PDE4D: variants seen among roughly 807,000 people sequenced by gnomAD.
PDE4D encodes phosphodiesterase 4D.
Under a neutral mutation model 87.4 loss-of-function variants are expected in PDE4D, and 24 were observed. That is an observed-to-expected ratio of 0.27 (90% confidence interval 0.20 to 0.39). The LOEUF is 0.39. Ranked by LOEUF, PDE4D falls within the 10% of genes least tolerant of loss-of-function variation. The pLI is 1.00. For synonymous variants in PDE4D, 384 were observed against 383.2 expected (o/e 1.00, Z -0.02); for missense variants, 714 against 1,041.0 (o/e 0.69, Z 4.32).
chr5:60,304,893 G>T (rs1292596000), intron 1 of PDE4D, among the ~76,000 whole-genome samples: 2 of 151,668 alleles, frequency 1.3e-5, no homozygotes, highest in African/African-American at 4.8e-5. Context: ...ACTGTAAACT[G>T]GATATTAAGT....
At chr5:60,295,230 G>C (rs890913323) in intron 1 of PDE4D, among the ~76,000 whole-genome samples, 1 of 152,114 alleles carries the variant, frequency 6.6e-6, no homozygotes, top group Non-Finnish European at 1.5e-5. Flanking sequence ...CTCACTTATT[G>C]GTTCAAGTCC....
intron 1 of PDE4D, among the ~76,000 whole-genome samples, chr5:59,558,985 GA>G (rs201797525): frequency 6.6e-6 from 1 of 150,386 alleles, no homozygotes; most frequent in Non-Finnish European, 1.5e-5. Context: ...GACACTTCTT[GA>G]AAAAAAAACT....
intron 1 of PDE4D, among the ~76,000 whole-genome samples, chr5:59,585,377 T>A (rs1233244662): frequency 6.6e-6 from 1 of 152,140 alleles, no homozygotes; most frequent in Non-Finnish European, 1.5e-5. Flanking sequence ...AACCTATATT[T>A]AGGTATCTAT....
intron 1 of PDE4D, among the ~76,000 whole-genome samples, chr5:59,216,560 C>T (rs1751306285): frequency 6.6e-6 from 1 of 152,164 alleles, no homozygotes; most frequent in Non-Finnish European, 1.5e-5. Flanking sequence ...TAAAACCCTT[C>T]AGTAACTTAC....
intron 1 of PDE4D, among the ~76,000 whole-genome samples, chr5:59,382,681 C>T (rs1027651644): frequency 1.3e-5 from 2 of 152,086 alleles, no homozygotes; most frequent in African/African-American, 4.8e-5. Context: ...AAACAATTCC[C>T]TGGACCCAGG....
chr5:59,567,291 A>T (rs946473265), intron 1 of PDE4D, among the ~76,000 whole-genome samples: 1 of 152,212 alleles, frequency 6.6e-6, no homozygotes, highest in African/African-American at 2.4e-5. Context: ...CCAGTTGCTA[A>T]AGGTGGAAAC....
rs1381779043 is a variant in PDE4D at position 58,970,060 on chromosome 5, T to TGAGCATAAATAG, written c.*4603_*4604insCTATTTATGCTC. ...GAATAATCTTTTATTTGTAAAAGAT[T>TGAGCATAAATAG]GAGTCATAAATAGGCAGAATCAACC... On this transcript the variant is annotated 3_prime_UTR_variant, in exon 15 of 15. Transcript: ENST00000340635. The TGAGCATAAATAG allele has an allele frequency of 3.9e-5, 6 of 152,294 alleles. No individual in the cohort carries two copies. In the East Asian group the frequency reaches 1.2e-3, roughly 29 times the overall value. 9.4% of individuals were successfully genotyped at this position (152,294 alleles called of 1,614,324 possible).
intron 2 of PDE4D, among the ~76,000 whole-genome samples, chr5:60,081,226 T>C (rs1773899359): frequency 6.6e-6 from 1 of 152,036 alleles, no homozygotes; most frequent in Non-Finnish European, 1.5e-5. Context: ...AGTGATGATA[T>C]ATATCCCTTT....
intron 1 of PDE4D, among the ~76,000 whole-genome samples, chr5:59,231,749 C>G (rs972600177): frequency 1.3e-5 from 2 of 152,206 alleles, no homozygotes; most frequent in Non-Finnish European, 2.9e-5. Flanking sequence ...GTGAAACCAT[C>G]TATGTCTTTA....
intron 1 of PDE4D, among the ~76,000 whole-genome samples, chr5:59,434,773 C>T (rs938056578): frequency 2.6e-5 from 4 of 152,060 alleles, no homozygotes; most frequent in East Asian, 3.8e-4. Flanking sequence ...ACCATTCAGC[C>T]AATAACCAGA....
At chr5:59,053,362 TACACACACACACACACACAC>T (rs57805618) in intron 5 of PDE4D, among the ~76,000 whole-genome samples, 6 of 142,072 alleles carry the variant, frequency 4.2e-5, no homozygotes, top group Non-Finnish European at 6.1e-5. Flanking sequence ...TGGGTGTACA[TACACACACACACACACACAC>T]ACACACACAC....
chr5:59,625,454 C>T (rs148012392), intron 1 of PDE4D, among the ~76,000 whole-genome samples: 2 of 151,212 alleles, frequency 1.3e-5, no homozygotes, highest in African/African-American at 2.4e-5. Flanking sequence ...ACTCTGAGCA[C>T]ATAAACCAGC....
intron 6 of PDE4D, among the ~76,000 whole-genome samples, chr5:59,036,101 G>T (rs1409823683): frequency 1.3e-5 from 2 of 152,168 alleles, no homozygotes; most frequent in East Asian, 3.8e-4. Flanking sequence ...GCCTTTTATT[G>T]AGAAGTCTAA....
At chr5:60,403,600 A>G (rs1254788282) in intron 1 of PDE4D, among the ~76,000 whole-genome samples, 1 of 152,218 alleles carries the variant, frequency 6.6e-6, no homozygotes, top group Non-Finnish European at 1.5e-5. Context: ...TCATCACAAC[A>G]ATCACATGAA....
chr5:59,258,812 A>T (rs1020417268), intron 1 of PDE4D, among the ~76,000 whole-genome samples: 5 of 150,542 alleles, frequency 3.3e-5, no homozygotes, highest in African/African-American at 9.7e-5. Context: ...AGATATATAT[A>T]TTTTAAGAAG....
intron 1 of PDE4D, among the ~76,000 whole-genome samples, chr5:59,315,960 C>T (rs563139630): frequency 1.8e-4 from 27 of 152,204 alleles, no homozygotes; most frequent in South Asian, 6.2e-4. Context: ...AATAATCAGG[C>T]GGGACACTCA....
intron 2 of PDE4D, among the ~76,000 whole-genome samples, chr5:60,122,389 G>A (rs1778768881): frequency 6.6e-6 from 1 of 152,240 alleles, no homozygotes; most frequent in South Asian, 2.1e-4. Flanking sequence ...TTCTGCCTGG[G>A]CATCCAGGCA....
chr5:59,971,379 T>TAAATAAATAAATA (rs1048999749), intron 3 of PDE4D, among the ~76,000 whole-genome samples: 4 of 148,594 alleles, frequency 2.7e-5, no homozygotes, highest in African/African-American at 9.9e-5. Flanking sequence ...AATAAATAAA[T>TAAATAAATAAATA]AAAAAAGAGA....
At chr5:59,200,028 T>C (rs1037036465) in intron 2 of PDE4D, among the ~76,000 whole-genome samples, 7 of 150,572 alleles carry the variant, frequency 4.6e-5, no homozygotes, top group Admixed American at 2.6e-4. Context: ...CACATATACA[T>C]ACATGCACAC....
Sources: allele counts gnomAD v4.1 joint callset (sites outside exome capture counted in the v4.1 genomes callset), GRCh38; gene constraint gnomAD v4.1.1; transcripts MANE v1.5; gene names NCBI Gene and HGNC (gene_info 2026-07-23, HGNC 2026-07-21).